Variants in DOCK9 observed in about 807,000 individuals in gnomAD.
DOCK9 encodes dedicator of cytokinesis 9, also known as dedicator of cytokinesis protein 9.
A neutral mutation model predicts 263.3 loss-of-function variants in DOCK9; 89 were observed. The observed-to-expected ratio is 0.34, with a 90% CI of 0.28 to 0.40. The LOEUF (loss-of-function observed/expected upper bound fraction) is 0.40. DOCK9 is among the 10% of genes least tolerant of loss of function. The pLI is 1.00. For synonymous variants in DOCK9, 976 were observed against 973.1 expected, an observed-to-expected ratio of 1.00 and a Z score of -0.06; for missense variants, 2,140 against 2,603.4, an observed-to-expected ratio of 0.82 and a Z score of 3.87.
chr13:99,020,248 C>T lies in DOCK9; in HGVS notation c.130-64697G>A, dbSNP rs61029021. Reference sequence around the variant, plus strand: ...TGTAAGTACCTATTGTCTTATACTTCACAAAGGATTTACTGTGTAACCTAA... The same window carrying T: ...TGTAAGTACCTATTGTCTTATACTTTACAAAGGATTTACTGTGTAACCTAA... On this transcript the variant is annotated intron_variant, in intron 1 of 32. Coordinates refer to the DOCK9 transcript ENST00000427887. 1.1e-4 allele frequency among the ~76,000 whole-genome samples: 17 copies of T among 152,316 alleles called. No individual in the cohort carries two copies. In the East Asian group the frequency reaches 3.1e-3, roughly 28 times the overall value.
At chr13:98,997,863 G>A (rs1420301990) in intron 1 of DOCK9, among the ~76,000 whole-genome samples, 2 of 152,334 alleles carry the variant, frequency 1.3e-5, no homozygotes, top group South Asian at 2.1e-4. Context: ...TAGCTAACGA[G>A]AGGTCTGTTC....
intron 1 of DOCK9, among the ~76,000 whole-genome samples, chr13:98,965,625 T>G (rs2059112041): frequency 6.6e-6 from 1 of 152,210 alleles, no homozygotes; most frequent in Admixed American, 6.5e-5. Flanking sequence ...TGCCTACATT[T>G]TAATTTTGCA....
At chr13:98,881,396 T>C (rs1028393931) in intron 25 of DOCK9, among the ~76,000 whole-genome samples, 162 bp downstream of exon 25, 16 of 152,230 alleles carry the variant, frequency 1.1e-4, no homozygotes, top group African/African-American at 3.6e-4. Context: ...TCCCTCTTCG[T>C]ACCTCCCCTA....
chr13:98,994,951 G>A (rs1880659774), intron 1 of DOCK9, among the ~76,000 whole-genome samples: 1 of 152,128 alleles, frequency 6.6e-6, no homozygotes, highest in South Asian at 2.1e-4. Context: ...TTGTAAACGA[G>A]TGAAAAATTC....
At position 98,900,149 on chromosome 13, in the gene DOCK9, A is replaced by G. The variant is rs1305657939; in HGVS notation, c.1503+1629T>C. ...AAATGCATGAATAATGTACACATGG[A>G]TGAGCTTTACATTCCATAAAAAAAT... On this transcript the variant is annotated intron_variant, in intron 13 of 52. Coordinates refer to ENST00000682017, the MANE Select transcript of DOCK9 (RefSeq NM_001366683.2). Among the ~76,000 whole-genome samples the G allele has an allele frequency of 2.4e-5, 3 of 126,040 alleles. No homozygotes were observed. In the East Asian group the frequency reaches 6.4e-4, roughly 27 times the overall value. The allele number at this position is 126,040 out of a possible 152,430, so 82.7% of individuals were successfully genotyped here.
intron 9 of DOCK9, among the ~76,000 whole-genome samples, chr13:98,912,902 G>A (rs1380763610): frequency 6.6e-6 from 1 of 152,106 alleles, no homozygotes; most frequent in African/African-American, 2.4e-5. Context: ...ATTTTGTTTT[G>A]AGAAATTATG....
chr13:98,837,659 G>C (rs1260715321), intron 38 of DOCK9, 50 bp from the exon 39 acceptor site: 1 of 1,361,962 alleles, frequency 7.3e-7, no homozygotes. Flanking sequence ...AGAAGGCAAG[G>C]CTGGCAGGAT....
intron 39 of DOCK9, chr13:98,834,347 A>T (rs763426832): frequency 6.6e-6 from 1 of 152,240 alleles, no homozygotes; most frequent in African/African-American, 2.4e-5. Context: ...TTAAAAAATC[A>T]GTTTGCAGAA....
intron 2 of DOCK9, among the ~76,000 whole-genome samples, chr13:98,944,047 C>A (rs1208299955): frequency 6.6e-6 from 1 of 152,126 alleles, no homozygotes; most frequent in African/African-American, 2.4e-5. Context: ...CAAATATGGT[C>A]TGCATTTATC....
intron 1 of DOCK9, among the ~76,000 whole-genome samples, chr13:99,013,921 G>A (rs975494202): frequency 2.3e-4 from 35 of 152,202 alleles, no homozygotes; most frequent in African/African-American, 7.7e-4. Context: ...AGAGACAAGC[G>A]TGGAGTGAGA....
chr13:98,922,220 G>T, intron 5 of DOCK9, 74 bp from the exon 6 acceptor site: 1 of 1,120,848 alleles, frequency 8.9e-7, no homozygotes. Context: ...TTTGGTCAAT[G>T]GGAAGGTCAT....
chr13:98,865,677 C>T (rs944882796), intron 30 of DOCK9, among the ~76,000 whole-genome samples: 1 of 152,178 alleles, frequency 6.6e-6, no homozygotes, highest in African/African-American at 2.4e-5. Context: ...GCAAAAAGAG[C>T]TCCCTGGGCT....
intron 43 of DOCK9, among the ~76,000 whole-genome samples, chr13:98,828,970 A>C (rs1244028235): frequency 6.6e-6 from 1 of 152,240 alleles, no homozygotes; most frequent in African/African-American, 2.4e-5. Context: ...ATTACCTTAA[A>C]TAACAGGAGG....
At chr13:98,998,485 A>C (rs1018943300) in intron 1 of DOCK9, among the ~76,000 whole-genome samples, 1 of 152,200 alleles carries the variant, frequency 6.6e-6, no homozygotes, top group African/African-American at 2.4e-5. Context: ...CATCTGAATG[A>C]TCCGGGCAGA....
At chr13:99,078,981 T>C (rs566615201) in intron 1 of DOCK9, among the ~76,000 whole-genome samples, 21 of 152,332 alleles carry the variant, frequency 1.4e-4, no homozygotes, top group African/African-American at 4.8e-4. Flanking sequence ...TAAACACAGA[T>C]AGGTCAGGCC....
intron 4 of DOCK9, among the ~76,000 whole-genome samples, chr13:98,923,795 TACTCAATGGGTATG>T (rs2140132586): frequency 6.6e-6 from 1 of 152,350 alleles, no homozygotes; most frequent in South Asian, 2.1e-4. Context: ...AGCTTACATT[TACTCAATGGGTATG>T]ACGTGCTAGG....
In DOCK9 at chr13:98,925,874, A is replaced by G; in HGVS notation, c.379T>C (p.Tyr127His). Residue 127 changes from tyrosine to histidine, a missense_variant, in exon 4 of 53, where the codon TAT (tyrosine) becomes CAT (histidine). Tyr to His is a moderately conservative substitution (Grantham distance 83). Transcript: ENST00000682017. Reference sequence around the variant, plus strand: ...CGAAACTCTCCTGAGTAATCTTCATATTTATAGTTCACAAGATGCCAGTCA... The same window carrying G: ...CGAAACTCTCCTGAGTAATCTTCATGTTTATAGTTCACAAGATGCCAGTCA... ...NSDWHLVNYKYEDYSGEFRQL... is the reference protein window; with the variant it reads ...NSDWHLVNYKHEDYSGEFRQL... The G allele has an allele frequency of 6.3e-7, 1 of 1,585,842 alleles. No homozygotes were observed. Among genetic ancestry groups the G allele is most frequent in the South Asian group, 1.2e-5 (1 of 86,676 alleles).
intron 47 of DOCK9, 30 bp downstream of exon 47, chr13:98,809,322 G>C (rs1238417974): frequency 1.3e-6 from 2 of 1,561,176 alleles, no homozygotes; most frequent in African/African-American, 2.7e-5. Flanking sequence ...AAGGACTTAG[G>C]ACAGTCTGCA....
chr13:98,852,103 A>G lies in DOCK9; in HGVS notation c.3946+1305T>C, dbSNP rs185455137. ...ATTATAGGTCATATTCAATATTTGA[A>G]ATTTAAAATATTTTTAAAGAAAACT... is the stretch of plus-strand genomic sequence containing the variant. On this transcript the variant is annotated intron_variant, in intron 35 of 52. Coordinates refer to ENST00000682017, the MANE Select transcript of DOCK9 (RefSeq NM_001366683.2). 3.3e-5 allele frequency among the ~76,000 whole-genome samples: 5 copies of G among 152,346 alleles called. No individual in the cohort carries two copies. The East Asian group carries it at 9.6e-4, about 29-fold the overall frequency.
Sources: allele counts gnomAD v4.1 joint callset (sites outside exome capture counted in the v4.1 genomes callset), GRCh38; gene constraint gnomAD v4.1.1; transcripts MANE v1.5; gene names NCBI Gene and HGNC (gene_info 2026-07-23, HGNC 2026-07-21).